Variants in DNAJB14 observed in about 807,000 individuals in gnomAD.
The protein encoded by DNAJB14 is dnaJ homolog subfamily B member 14.
DNAJB14 carries 22 observed loss-of-function variants against 48.4 expected under a neutral mutation model. The observed-to-expected ratio is 0.45, with a 90% CI of 0.32 to 0.65. The LOEUF (loss-of-function observed/expected upper bound fraction) is 0.65. Among genes scored for constraint, DNAJB14 ranks in the 30% least tolerant of loss-of-function variants. The pLI is 0.03. For missense variants in DNAJB14, 319 were observed against 458.8 expected, an observed-to-expected ratio of 0.70 and a Z score of 2.78; for synonymous variants, 142 against 158.7, an observed-to-expected ratio of 0.89 and a Z score of 0.79.
At chr4:99,940,957 T>G (rs945734813) in intron 1 of DNAJB14, among the ~76,000 whole-genome samples, 3 of 151,280 alleles carry the variant, frequency 2.0e-5, no homozygotes, top group African/African-American at 7.3e-5. Flanking sequence ...ATATATTTTT[T>G]TTTTGGAACA....
At chr4:99,905,744 A>G in intron 5 of DNAJB14, 38 bp from the exon 6 acceptor site, 2 of 1,580,374 alleles carry the variant, frequency 1.3e-6, no homozygotes, top group Non-Finnish European at 1.7e-6. Context: ...ATTGTAATAT[A>G]ACTGTAGTTG....
At chr4:99,938,127 A>AAAAAAAAAAAAAAAAAAAAAAAAC in intron 1 of DNAJB14, among the ~76,000 whole-genome samples, 1 of 124,448 alleles carries the variant, frequency 8.0e-6, no homozygotes, top group Non-Finnish European at 1.7e-5. Context: ...AAAAAAAAAA[A>AAAAAAAAAAAAAAAAAAAAAAAAC]TAGCTGGGCG....
At chr4:99,920,928 G>T (rs146893817) in intron 3 of DNAJB14, among the ~76,000 whole-genome samples, 1 of 152,116 alleles carries the variant, frequency 6.6e-6, no homozygotes, top group South Asian at 2.1e-4. Context: ...CAATAGTATT[G>T]TCTTTGCTCA....
chr4:99,933,721 G>T (rs961704334), intron 1 of DNAJB14, among the ~76,000 whole-genome samples: 3 of 152,120 alleles, frequency 2.0e-5, no homozygotes, highest in Admixed American at 1.3e-4. Context: ...TGGAAAAAAG[G>T]CTATGACATC....
intron 3 of DNAJB14, among the ~76,000 whole-genome samples, chr4:99,922,215 A>G (rs1484769991): frequency 6.6e-6 from 1 of 152,168 alleles, no homozygotes; most frequent in Non-Finnish European, 1.5e-5. Context: ...AACAATCTTA[A>G]CGGTATTTTC....
At chr4:99,923,954 G>T in intron 2 of DNAJB14, 1 of 819,936 alleles carries the variant, frequency 1.2e-6, no homozygotes, top group Non-Finnish European at 1.5e-6. Context: ...ATTGTGATAA[G>T]CACATTTCTA....
intron 6 of DNAJB14, 151 bp from the exon 7 acceptor site, chr4:99,904,049 A>T (rs1478544983): frequency 9.7e-6 from 8 of 828,998 alleles, no homozygotes; most frequent in Non-Finnish European, 1.3e-5. Flanking sequence ...TGAAATCCGA[A>T]ATGCTCTAAA....
chr4:99,908,576 C>G (rs1725546559), intron 4 of DNAJB14, 135 bp downstream of exon 4: 1 of 620,604 alleles, frequency 1.6e-6, no homozygotes, highest in Non-Finnish European at 2.5e-6. Flanking sequence ...CTCCTGCTTT[C>G]ATGAAAAACC....
intron 3 of DNAJB14, among the ~76,000 whole-genome samples, chr4:99,913,683 CTTAACA>C (rs1402565453): frequency 8.0e-6 from 1 of 125,326 alleles, no homozygotes; most frequent in Non-Finnish European, 1.6e-5. Flanking sequence ...TAAAACATTT[CTTAACA>C]TTAACTGGAA....
At chr4:99,943,571 A>C (rs1726955168) in intron 1 of DNAJB14, among the ~76,000 whole-genome samples, 1 of 152,156 alleles carries the variant, frequency 6.6e-6, no homozygotes, top group South Asian at 2.1e-4. Context: ...AACCCATTTA[A>C]TCCTCACAAC....
At chr4:99,936,535 T>C (rs1726683555) in intron 1 of DNAJB14, among the ~76,000 whole-genome samples, 1 of 152,204 alleles carries the variant, frequency 6.6e-6, no homozygotes, top group Non-Finnish European at 1.5e-5. Context: ...ACAATGACAC[T>C]TCTGTAAGCT....
At chr4:99,926,756 G>A (rs538387993) in intron 2 of DNAJB14, 4 of 151,786 alleles carry the variant, frequency 2.6e-5, no homozygotes, top group Non-Finnish European at 5.9e-5. Context: ...AAAAAGGGGG[G>A]GCCAGACATG....
Position 99,930,612 on chromosome 4 carries a change from T to A in DNAJB14, c.143A>T (p.Glu48Val). ...YPLPSARALL[E>V]IIMKNGSTAG... ...CGTGCTTCCATTTTTCATAATTATT[T>A]CCAATAGTGCTGTAGAAAGATAAAG... Residue 48 changes from glutamate to valine, a missense_variant, in exon 2 of 8, where the codon GAA becomes GTA. Glu to Val is a moderately radical substitution (Grantham distance 121). Around this residue, in one of 3 missense-constraint regions of DNAJB14, gnomAD observed 116 missense variants for 134.6 expected, o/e 0.86. Coordinates refer to ENST00000442697, the MANE Select transcript of DNAJB14 (RefSeq NM_001031723.4). The A allele has an allele frequency of 6.2e-7, 1 of 1,610,516 alleles. No homozygotes were observed. The highest frequency in any genetic ancestry group is 1.1e-5 in the South Asian group (1 of 90,278).
intron 1 of DNAJB14, among the ~76,000 whole-genome samples, chr4:99,934,956 G>A (rs1480149429): frequency 6.7e-6 from 1 of 149,592 alleles, no homozygotes; most frequent in Admixed American, 6.6e-5. Flanking sequence ...GCTTAAAAGA[G>A]AAAGAAAATA....
intron 5 of DNAJB14, 76 bp downstream of exon 5, chr4:99,906,441 C>A (rs1348533766): frequency 1.4e-5 from 19 of 1,376,434 alleles, no homozygotes. Flanking sequence ...CAACTACTTG[C>A]CCTCTTTTCA....
intron 1 of DNAJB14, among the ~76,000 whole-genome samples, chr4:99,931,296 C>T (rs1010671253): frequency 3.3e-5 from 5 of 151,930 alleles, no homozygotes; most frequent in Non-Finnish European, 5.9e-5. Context: ...CAAGGATTTG[C>T]TTTTTAATAA....
intron 3 of DNAJB14, 57 bp downstream of exon 3, chr4:99,922,983 C>T (rs1402085150): frequency 2.0e-6 from 3 of 1,509,394 alleles, no homozygotes; most frequent in Admixed American, 2.2e-5. Context: ...TTCTGAAACG[C>T]CGTAAAGTGA....
Position 99,930,635 on chromosome 4 carries a change from A to G in DNAJB14, c.134-14T>C. 9 of 1,604,806 alleles carry G rather than the reference A, an allele frequency of 5.6e-6. 1 individual carries two copies. In the South Asian group the frequency reaches 1.0e-4, roughly 18 times the overall value. ...TTTCCAATAGTGCTGTAGAAAGATA[A>G]AGTACACTATGCCTGTTTACATCAA... On this transcript the variant is annotated splice_polypyrimidine_tract_variant and intron_variant, in intron 1 of 7. Transcript: ENST00000442697.
At chr4:99,911,901 TAAC>T (rs540325876) in intron 3 of DNAJB14, among the ~76,000 whole-genome samples, 14 of 152,334 alleles carry the variant, frequency 9.2e-5, no homozygotes, top group Non-Finnish European at 1.6e-4. Context: ...AAGTCCAACT[TAAC>T]AACTTTTCCT....
Sources: allele counts gnomAD v4.1 joint callset (sites outside exome capture counted in the v4.1 genomes callset), GRCh38; gene constraint gnomAD v4.1.1; regional missense constraint gnomAD v4.1.1; transcripts MANE v1.5; gene names NCBI Gene and HGNC (gene_info 2026-07-23, HGNC 2026-07-21).